MTR: variants seen among roughly 807,000 people sequenced by gnomAD.
MTR encodes the protein methionine synthase.
A neutral mutation model predicts 154.8 loss-of-function variants in MTR; 84 were observed. The observed-to-expected ratio is 0.54, with a 90% CI of 0.45 to 0.65. The LOEUF is 0.65. Among genes scored for constraint, MTR ranks in the 30% least tolerant of loss-of-function variants. The pLI is 0.00. For missense variants in MTR, 1,275 were observed against 1,570.2 expected (o/e 0.81, Z 3.18); for synonymous variants, 554 against 553.9 (o/e 1.00, Z 0.00).
chr1:236,831,934 C>A, intron 12 of MTR, 32 bp from the exon 13 acceptor site: 1 of 1,529,666 alleles, frequency 6.5e-7, no homozygotes, highest in Non-Finnish European at 9.1e-7. Context: ...TATGCATTTG[C>A]AGAAATTTTT....
rs1463292608 is a variant in MTR, at chr1:236,900,296, A to G, written c.*2652A>G. Reference sequence around the variant, plus strand: ...AATGAATCTCAGAAAATATTAAGGAAAAAAGCAAGTTTGAAGAGACCACAT... The same window carrying G: ...AATGAATCTCAGAAAATATTAAGGAGAAAAGCAAGTTTGAAGAGACCACAT... On this transcript the variant is annotated 3_prime_UTR_variant, in exon 33 of 33. Transcript: ENST00000366577. 9.5e-6 allele frequency: 2 copies of G among 209,482 alleles called. No homozygotes were observed. Among genetic ancestry groups the G allele is most frequent in the Admixed American group, 5.4e-5 (1 of 18,492 alleles). The allele number at this position is 209,482 out of a possible 1,614,324, so 13.0% of individuals were successfully genotyped here. A position where few individuals can be genotyped will look rare whatever the true frequency, so the allele number is the denominator to read the frequency against.
rs191573586 is a variant in MTR, at chr1:236,834,943, T to C, written c.1189-604T>C. Among the ~76,000 whole-genome samples the C allele has an allele frequency of 2.2e-3, 336 of 152,324 alleles. 3 individuals carry two copies. The highest frequency in any genetic ancestry group is 7.5e-3 in the African/African-American group (312 of 41,568). ...AAAGCCTTCCAGTGTTATAAAAACC[T>C]GCTGAAATTTATTTAAGTCACATTT... is the stretch of plus-strand genomic sequence containing the variant. On this transcript the variant is annotated intron_variant, in intron 13 of 32. Transcript: ENST00000366577.
chr1:236,842,170 C>T (rs571408391), intron 15 of MTR, among the ~76,000 whole-genome samples: 3 of 152,252 alleles, frequency 2.0e-5, no homozygotes, highest in East Asian at 1.9e-4. Context: ...GGATTACAGG[C>T]GTGAGCCACC....
intron 24 of MTR, among the ~76,000 whole-genome samples, chr1:236,875,236 G>C (rs1027479993): frequency 1.3e-5 from 2 of 152,176 alleles, no homozygotes; most frequent in African/African-American, 2.4e-5. Flanking sequence ...CTTGAAGCAG[G>C]TGTCTGACTG....
In MTR at chr1:236,835,544, C is replaced by T. The variant is rs1421736580; in HGVS notation, c.1189-3C>T. The T allele has an allele frequency of 6.2e-7, 1 of 1,612,332 alleles. No homozygotes were observed. The highest frequency in any genetic ancestry group is 8.5e-7 in the Non-Finnish European group (1 of 1,179,762). ...GCTGCTTCCTCTCTCATTCTTCCTTCAGGAAGCCTTGTGTGTTGCCAAAGT... is the reference window on the plus strand; with the variant it reads ...GCTGCTTCCTCTCTCATTCTTCCTTTAGGAAGCCTTGTGTGTTGCCAAAGT... On this transcript the variant is annotated splice_region_variant and splice_polypyrimidine_tract_variant and intron_variant, in intron 13 of 32. Coordinates refer to ENST00000366577, the MANE Select transcript of MTR (RefSeq NM_000254.3).
chr1:236,876,606 T>C (rs369518415), intron 24 of MTR, among the ~76,000 whole-genome samples: 1 of 152,194 alleles, frequency 6.6e-6, no homozygotes. Context: ...AAAAGAATCT[T>C]TTTATATGGT....
Position 236,857,667 on chromosome 1 carries a change from A to G in MTR, c.1954-2166A>G, listed in dbSNP as rs1664282724. 2.0e-5 allele frequency among the ~76,000 whole-genome samples: 3 copies of G among 152,192 alleles called. No individual in the cohort carries two copies. The South Asian group carries it at 6.2e-4, about 32-fold the overall frequency. ...TTAGAGGATCTAACTAGTAAGAGAG[A>G]TGTACCCCTACCCTCTGAGAGCCTA... is the stretch of plus-strand genomic sequence containing the variant. On this transcript the variant is annotated intron_variant, in intron 18 of 32. Transcript: ENST00000366577.
chr1:236,893,153 C>T (rs1403518210), intron 29 of MTR, among the ~76,000 whole-genome samples: 1 of 152,108 alleles, frequency 6.6e-6, no homozygotes, highest in Non-Finnish European at 1.5e-5. Flanking sequence ...AGCTTTGGGT[C>T]CCCCTCTGGC....
chr1:236,803,448 C>T lies in MTR; in HGVS notation c.55C>T (p.Arg19Trp), dbSNP rs376681897. 106 of 1,613,952 alleles carry T rather than the reference C, an allele frequency of 6.6e-5. No individual in the cohort carries two copies. Among genetic ancestry groups the T allele is most frequent in the Middle Eastern group, 1.6e-4 (1 of 6,072 alleles). ...TAAAGAAGGTCTGAAGAAAACCCTG[C>T]GGGATGAGATCAATGCCATTCTGCA... is the stretch of plus-strand genomic sequence containing the variant. ...SQPEGLKKTL[R>W]DEINAILQKR... The change falls in exon 2 of 33, where the codon CGG becomes TGG. Residue 19 changes from arginine to tryptophan, a missense_variant. Arg to Trp is a moderately radical substitution (Grantham distance 101, BLOSUM62 -3). Transcript: ENST00000366577.
intron 22 of MTR, 22 bp from the exon 23 acceptor site, chr1:236,873,751 A>G: frequency 6.2e-7 from 1 of 1,605,152 alleles, no homozygotes; most frequent in Non-Finnish European, 8.5e-7. Flanking sequence ...TAATTTTCTC[A>G]TGTCTCATTT....
chr1:236,797,870 A>G (rs1404999751), intron 1 of MTR, among the ~76,000 whole-genome samples: 4 of 151,576 alleles, frequency 2.6e-5, no homozygotes, highest in African/African-American at 9.7e-5. Context: ...AGGCAGGAGA[A>G]TCGCTTGAAC....
rs534437962 is a variant in MTR at position 236,803,444 on chromosome 1, C to T, written c.51C>T (p.Thr17=). 6.2e-7 allele frequency: 1 copy of T among 1,613,998 alleles called. No homozygotes were observed. The highest frequency in any genetic ancestry group is 1.1e-5 in the South Asian group (1 of 91,074). The change falls in exon 2 of 33, where the codon ACC becomes ACT. Residue 17 remains threonine, a synonymous_variant. Transcript: ENST00000366577. ...DLSQPEGLKK[T]LRDEINAILQ... ...TCTTTAAAGAAGGTCTGAAGAAAAC[C>T]CTGCGGGATGAGATCAATGCCATTC...
At chr1:236,806,372 A>G in intron 3 of MTR, 139 bp downstream of exon 3, 1 of 752,354 alleles carries the variant, frequency 1.3e-6, no homozygotes. Context: ...GACAGGGAAA[A>G]TGGTGTGAAT....
At chr1:236,810,706 G>C in intron 5 of MTR, 111 bp downstream of exon 5, 2 of 909,480 alleles carry the variant, frequency 2.2e-6, no homozygotes, top group East Asian at 2.5e-5. Context: ...TAGAGTTACT[G>C]TGATTTAATC....
intron 16 of MTR, among the ~76,000 whole-genome samples, chr1:236,850,858 C>T (rs1038622839): frequency 3.3e-5 from 5 of 152,108 alleles, no homozygotes; most frequent in African/African-American, 1.2e-4. Context: ...AACAAAAAAA[C>T]CACAGAACCT....
chr1:236,797,081 C>T (rs377588931), intron 1 of MTR, among the ~76,000 whole-genome samples: 4 of 152,176 alleles, frequency 2.6e-5, no homozygotes, highest in African/African-American at 9.6e-5. Context: ...AGTCCCCTCA[C>T]CCCCAAGGCT....
chr1:236,863,411 C>A, intron 21 of MTR, 43 bp from the exon 22 acceptor site: 2 of 1,552,770 alleles, frequency 1.3e-6, no homozygotes, highest in Non-Finnish European at 1.8e-6. Context: ...GTGTTCCACC[C>A]TAAACAACCC....
intron 8 of MTR, among the ~76,000 whole-genome samples, chr1:236,819,003 C>CA (rs1257737233): frequency 6.6e-6 from 1 of 152,154 alleles, no homozygotes; most frequent in East Asian, 1.9e-4. Flanking sequence ...AAATGGGAGA[C>CA]AGAGTTTTCT....
intron 18 of MTR, among the ~76,000 whole-genome samples, chr1:236,856,685 C>A (rs757563475): frequency 6.6e-6 from 1 of 152,100 alleles, no homozygotes; most frequent in Non-Finnish European, 1.5e-5. Context: ...TCCCTAGCTT[C>A]CCAACCCCCC....
Sources: gnomAD v4.1 joint callset for allele counts (sites outside exome capture counted in the v4.1 genomes callset) on GRCh38, gnomAD v4.1.1 for gene constraint, MANE v1.5 for transcripts, NCBI Gene and HGNC (gene_info 2026-07-23, HGNC 2026-07-21) for gene names.